Variants in LINGO2 observed in about 807,000 individuals in gnomAD.
LINGO2 encodes leucine rich repeat and Ig domain containing 2.
LINGO2 carries 14 observed loss-of-function variants against 30.6 expected under a neutral mutation model. That is an observed-to-expected ratio of 0.46 (90% CI 0.30 to 0.72). The LOEUF (loss-of-function observed/expected upper bound fraction) is 0.72. Ranked by LOEUF, LINGO2 falls within the 30% of genes least tolerant of loss-of-function variation. The probability of loss-of-function intolerance (pLI) is 0.07; values close to 1 mark genes in which losing one functional copy is unlikely to be tolerated. For synonymous variants in LINGO2, 317 were observed against 288.5 expected (o/e 1.10, Z -1.00); for missense variants, 729 against 751.7 (o/e 0.97, Z 0.35).
chr9:28,173,303 A>G (rs1828654256), intron 4 of LINGO2, among the ~76,000 whole-genome samples: 1 of 152,106 alleles, frequency 6.6e-6, no homozygotes, highest in Non-Finnish European at 1.5e-5. Flanking sequence ...CTGGCAGCTC[A>G]CTCTCTTTAA....
chr9:28,251,449 A>G lies in LINGO2; in HGVS notation c.-87+43759T>C, dbSNP rs192655226. On this transcript the variant is annotated intron_variant, in intron 4 of 5. Coordinates refer to ENST00000379992, the Ensembl canonical transcript of LINGO2. ...TCACTCTAATTATCAGGTAAATTTA[A>G]GATAAACTGTGTGACAAATTTCAAG... is the stretch of plus-strand genomic sequence containing the variant. Among the ~76,000 whole-genome samples, 99 of 152,294 alleles carry G rather than the reference A, an allele frequency of 6.5e-4. No homozygotes were observed. The East Asian group carries it at 0.016, about 25-fold the overall frequency.
the LINGO2 span, among the ~76,000 whole-genome samples, chr9:28,826,824 G>A: frequency 1.6e-4 from 25 of 152,262 alleles, no homozygotes; most frequent in African/African-American, 2.2e-4. Context: ...ATAGCTGCAC[G>A]ATTGCAGTAA....
intron 4 of LINGO2, among the ~76,000 whole-genome samples, chr9:28,091,414 G>T (rs959709251): frequency 2.0e-5 from 3 of 152,290 alleles, no homozygotes; most frequent in South Asian, 2.1e-4. Context: ...ACAACCATCT[G>T]ATATTTGATA....
rs72213590 is a variant in LINGO2, at chr9:28,441,251, C to CTTTTTT, written c.-279+34683_-279+34688dup. ...TATAGCAGTATAAATTCATTGGAGG[C>CTTTTTT]TTTTTTTTTTTTTTTTTTTTTTTTT... On this transcript the variant is annotated intron_variant, in intron 2 of 5. Transcript: ENST00000379992. Among the ~76,000 whole-genome samples, 130 of 36,282 alleles carry CTTTTTT rather than the reference C, an allele frequency of 3.6e-3. 32 individuals carry two copies. Among genetic ancestry groups the CTTTTTT allele is most frequent in the South Asian group, 7.4e-3 (6 of 810 alleles). The allele number at this position is 36,282 out of a possible 152,430, so 23.8% of individuals were successfully genotyped here.
upstream of LINGO2, among the ~76,000 whole-genome samples, chr9:28,672,192 T>C (rs968311001): frequency 6.6e-6 from 1 of 152,242 alleles, no homozygotes; most frequent in East Asian, 1.9e-4. Context: ...CATTCATATG[T>C]GCAGAATAGT....
chr9:28,863,513 T>C, the LINGO2 span: 1 of 427,240 alleles, frequency 2.3e-6, no homozygotes, highest in South Asian at 1.7e-5. Context: ...CTAGAGTATA[T>C]TTACCAGGGA....
chr9:28,524,220 T>G (rs1481345138), intron 1 of LINGO2, among the ~76,000 whole-genome samples: 1 of 152,040 alleles, frequency 6.6e-6, no homozygotes, highest in South Asian at 2.1e-4. Flanking sequence ...ATAATACACA[T>G]GAAGAAGAAT....
chr9:28,366,487 C>T (rs914386149), intron 3 of LINGO2, among the ~76,000 whole-genome samples: 1 of 152,160 alleles, frequency 6.6e-6, no homozygotes, highest in Non-Finnish European at 1.5e-5. Flanking sequence ...CATCTCTCTT[C>T]CACATAAGAC....
At chr9:28,252,556 C>T (rs889638119) in intron 4 of LINGO2, among the ~76,000 whole-genome samples, 2 of 151,946 alleles carry the variant, frequency 1.3e-5, no homozygotes, top group Non-Finnish European at 2.9e-5. Context: ...TCTAAGCCAA[C>T]ATTTGTCTAA....
chr9:28,905,564 G>A, the LINGO2 span, among the ~76,000 whole-genome samples: 2 of 151,976 alleles, frequency 1.3e-5, no homozygotes, highest in East Asian at 1.9e-4. Flanking sequence ...AATCATCTGG[G>A]AAATGTTAAT....
chr9:28,680,533 T>A, the LINGO2 span, among the ~76,000 whole-genome samples: 60 of 152,224 alleles, frequency 3.9e-4, no homozygotes, highest in South Asian at 0.012. Flanking sequence ...TCATAAACCA[T>A]CATACTGTAT....
chr9:28,590,854 C>T (rs999470054), intron 1 of LINGO2, among the ~76,000 whole-genome samples: 3 of 152,102 alleles, frequency 2.0e-5, no homozygotes, highest in Admixed American at 2.0e-4. Context: ...AAGATACATG[C>T]ACATGTATGT....
At chr9:28,107,026 C>G (rs1254796628) in intron 4 of LINGO2, among the ~76,000 whole-genome samples, 1 of 152,150 alleles carries the variant, frequency 6.6e-6, no homozygotes, top group Admixed American at 6.5e-5. Context: ...CTCCCCCATT[C>G]CTTAATTCCT....
the LINGO2 span, among the ~76,000 whole-genome samples, chr9:29,102,235 C>T: frequency 1.3e-5 from 2 of 151,992 alleles, no homozygotes; most frequent in African/African-American, 2.4e-5. Context: ...GTGCCCGTCA[C>T]CATGCCCGGC....
At chr9:28,878,601 C>G in the LINGO2 span, among the ~76,000 whole-genome samples, 1 of 152,164 alleles carries the variant, frequency 6.6e-6, no homozygotes, top group African/African-American at 2.4e-5. Context: ...AAAATACTGG[C>G]AAACCGAATC....
At chr9:28,758,807 G>C in the LINGO2 span, among the ~76,000 whole-genome samples, 1 of 152,018 alleles carries the variant, frequency 6.6e-6, no homozygotes, top group Non-Finnish European at 1.5e-5. Flanking sequence ...GGTATCATTA[G>C]CTTTTAGTTG....
At chr9:28,379,902 G>C (rs532843044) in intron 2 of LINGO2, among the ~76,000 whole-genome samples, 23 of 152,052 alleles carry the variant, frequency 1.5e-4, no homozygotes, top group Non-Finnish European at 3.2e-4. Context: ...ATCTAAGCAA[G>C]TATCATAACA....
chr9:28,554,330 A>G (rs1164800388), intron 1 of LINGO2, among the ~76,000 whole-genome samples: 3 of 149,490 alleles, frequency 2.0e-5, no homozygotes, highest in East Asian at 2.0e-4. Flanking sequence ...GAAAACAAAA[A>G]AAGGCAGGGG....
intron 5 of LINGO2, among the ~76,000 whole-genome samples, chr9:27,972,592 A>G (rs138622665): frequency 3.3e-4 from 50 of 152,190 alleles, no homozygotes; most frequent in African/African-American, 1.2e-3. Flanking sequence ...CATCACAACA[A>G]TCCCAGGTCT....
Sources: gnomAD v4.1 joint callset for allele counts (sites outside exome capture counted in the v4.1 genomes callset) on GRCh38, gnomAD v4.1.1 for gene constraint, MANE v1.5 for transcripts, NCBI Gene and HGNC (gene_info 2026-07-23, HGNC 2026-07-21) for gene names.